Variants in ZNF707 observed in about 807,000 individuals in gnomAD.
ZNF707 encodes the protein zinc finger protein 707.
In ZNF707, 8 loss-of-function variants were observed where a neutral mutation model predicts 13.3. That is an observed-to-expected ratio of 0.60 (90% CI 0.35 to 1.09). The LOEUF (loss-of-function observed/expected upper bound fraction) is 1.09. ZNF707 is among the 50% of genes least tolerant of loss of function. ZNF707 has a pLI of 0.02. For missense variants in ZNF707, 530 were observed against 512.6 expected, an observed-to-expected ratio of 1.03 and a Z score of -0.33; for synonymous variants, 225 against 205.6, an observed-to-expected ratio of 1.09 and a Z score of -0.81.
At chr8:143,685,616 G>A (rs1554611778) in intron 1 of ZNF707, among the ~76,000 whole-genome samples, 1 of 151,640 alleles carries the variant, frequency 6.6e-6, no homozygotes, top group Admixed American at 6.6e-5. Context: ...GAGGCCAGAG[G>A]ATCTCTTGAG....
Position 143,693,906 on chromosome 8 carries a change from A to G in ZNF707, c.492A>G (p.Arg164=). The G allele has an allele frequency of 6.2e-7, 1 of 1,605,746 alleles. No individual in the cohort carries two copies. Among genetic ancestry groups the G allele is most frequent in the Non-Finnish European group, 8.5e-7 (1 of 1,175,326 alleles). Reference sequence around the variant, plus strand: ...GTTGTGGGCGGCGGCCGGGCCGCAGAGAGCGCCGGAAGCAGCGCGCAGTAG... The same window carrying G: ...GTTGTGGGCGGCGGCCGGGCCGCAGGGAGCGCCGGAAGCAGCGCGCAGTAG... ...TQRCGRRPGR[R]ERRKQRAVEL... The change falls in exon 6 of 6, where the codon AGA becomes AGG. Residue 164 remains arginine, a synonymous_variant. Transcript: ENST00000358656. The surrounding 1 kb of genome is among the most constrained non-coding windows in gnomAD (Gnocchi z 4.1).
rs781815871 is a variant in ZNF707 at position 143,690,162 on chromosome 8, C to G, written c.15+39C>G. 5.0e-5 allele frequency: 80 copies of G among 1,600,496 alleles called. 1 individual carries two copies. In the Admixed American group the frequency reaches 1.0e-3, roughly 20 times the overall value. ...CTGCCGAGCGCAGCCTCCCTTCTGCCCTGCTGGCTGCCTGAGACCCCAGCA... is the reference window on the plus strand; with the variant it reads ...CTGCCGAGCGCAGCCTCCCTTCTGCGCTGCTGGCTGCCTGAGACCCCAGCA... On this transcript the variant is annotated intron_variant, in intron 3 of 5. Coordinates refer to ENST00000358656, the MANE Select transcript of ZNF707 (RefSeq NM_001100598.2).
chr8:143,690,011 G>A, intron 2 of ZNF707, 46 bp from the exon 3 acceptor site: 2 of 1,501,918 alleles, frequency 1.3e-6, no homozygotes, highest in Middle Eastern at 1.7e-4. Flanking sequence ...GGTGCGGGGG[G>A]CATTCCCAGG....
chr8:143,691,178 T>G lies in ZNF707; in HGVS notation c.121T>G (p.Phe41Val), dbSNP rs782605487. Reference protein sequence around the residue: ...ALYRDVMLDNFSSVAALGFCS... With the variant: ...ALYRDVMLDNVSSVAALGFCS... ...CTACCGGGACGTGATGCTGGACAAC[T>G]TCAGCAGTGTGGCTGCTCTGGGTGA... The change falls in exon 4 of 6, where the codon TTC becomes GTC. Residue 41 changes from phenylalanine (F) to valine (V), a missense_variant. Physicochemically the swap from Phe to Val is conservative, Grantham distance 50. Coordinates refer to ENST00000358656, the MANE Select transcript of ZNF707 (RefSeq NM_001100598.2). 1 of 1,613,158 alleles carries G rather than the reference T, an allele frequency of 6.2e-7. No homozygotes were observed. Among genetic ancestry groups the G allele is most frequent in the Non-Finnish European group, 8.5e-7 (1 of 1,179,352 alleles).
In ZNF707 at chr8:143,685,675, G is replaced by A. The variant is rs563704375; in HGVS notation, c.-151+1133G>A. On this transcript the variant is annotated intron_variant, in intron 1 of 5. Transcript: ENST00000358656. Reference sequence around the variant, plus strand: ...GGCAACATAGTGAGACCCCGTTTCTGCAAAAAACTTAAAACAATTGCAGGG... The same window carrying A: ...GGCAACATAGTGAGACCCCGTTTCTACAAAAAACTTAAAACAATTGCAGGG... 1.1e-4 allele frequency among the ~76,000 whole-genome samples: 16 copies of A among 152,130 alleles called. No homozygotes were observed. The South Asian group carries it at 3.1e-3, about 30-fold the overall frequency.
intron 5 of ZNF707, chr8:143,692,174 T>G (rs1816871739): frequency 4.6e-6 from 6 of 1,294,186 alleles, no homozygotes. Context: ...TGGCCATGCT[T>G]CCCTCCATTA....
At chr8:143,688,475 C>T (rs1563723685) in intron 1 of ZNF707, among the ~76,000 whole-genome samples, 2 of 151,966 alleles carry the variant, frequency 1.3e-5, no homozygotes, top group Admixed American at 6.6e-5. Context: ...TCCTGGGCAC[C>T]AACTGCAGTT....
chr8:143,686,300 G>T (rs1192418739), intron 1 of ZNF707, among the ~76,000 whole-genome samples: 1 of 152,032 alleles, frequency 6.6e-6, no homozygotes, highest in African/African-American at 2.4e-5. Context: ...TCGAACTTCT[G>T]ACCTCAGGTG....
chr8:143,691,830 C>T, intron 5 of ZNF707, 117 bp downstream of exon 5: 1 of 991,744 alleles, frequency 1.0e-6, no homozygotes, highest in African/African-American at 1.6e-5. Flanking sequence ...AGAGCAGACA[C>T]ACAGCTGCTC....
rs557627812 is a variant in ZNF707, at chr8:143,693,313, C to T, written c.257-358C>T. 6.6e-6 allele frequency among the ~76,000 whole-genome samples: 1 copy of T among 151,158 alleles called. No homozygotes were observed. Among genetic ancestry groups the T allele is most frequent in the Non-Finnish European group, 1.5e-5 (1 of 67,744 alleles). The stretch of plus-strand genomic sequence containing the variant: ...TTTTTTTTTTTGAGACGGAGTCTCG[C>T]TCTGTCGCCCAGGCTGGACTGCGGA... On this transcript the variant is annotated intron_variant, in intron 5 of 5. Coordinates refer to ENST00000358656, the MANE Select transcript of ZNF707 (RefSeq NM_001100598.2). This position sits in a 1 kb window ranked among gnomAD's most constrained non-coding sequence, Gnocchi z 4.1.
At chr8:143,685,949 C>T (rs1023557021) in intron 1 of ZNF707, among the ~76,000 whole-genome samples, 1 of 152,188 alleles carries the variant, frequency 6.6e-6, no homozygotes, top group South Asian at 2.1e-4. Context: ...CATGAAACCA[C>T]GGCTCAGGAG....
chr8:143,686,802 C>T (rs1216111534), intron 1 of ZNF707: 4 of 135,916 alleles, frequency 2.9e-5, no homozygotes, highest in South Asian at 5.4e-4. Context: ...CACTGCACCC[C>T]GTCTCCTTTT....
At chr8:143,686,689 G>A (rs149225749) in intron 1 of ZNF707, among the ~76,000 whole-genome samples, 481 of 151,772 alleles carry the variant, frequency 3.2e-3, no homozygotes, top group Non-Finnish European at 4.3e-3. Context: ...TTAAACAATA[G>A]AGACAGAGGT....
At chr8:143,688,904 C>T (rs1816540223) in intron 1 of ZNF707, 2 of 152,442 alleles carry the variant, frequency 1.3e-5, no homozygotes, top group South Asian at 2.1e-4. Flanking sequence ...AGGCGTGAGC[C>T]ACTGTGCTTG....
In ZNF707 at chr8:143,693,260, AC is replaced by A. The variant is rs1470821104; in HGVS notation, c.257-410del. Among the ~76,000 whole-genome samples the A allele has an allele frequency of 2.0e-5, 3 of 150,802 alleles. No individual in the cohort carries two copies. The highest frequency in any genetic ancestry group is 4.4e-5 in the Non-Finnish European group (3 of 67,874). On this transcript the variant is annotated intron_variant, in intron 5 of 5. Transcript: ENST00000358656. The surrounding 1 kb of genome is among the most constrained non-coding windows in gnomAD (Gnocchi z 4.1). ...TGAGTCAATGGAAGCCAGTCCACGC[AC>A]ACAGCAGGAGGGTCCTCTGGGCTTT...
At chr8:143,689,624 C>T (rs1816617503) in intron 2 of ZNF707, among the ~76,000 whole-genome samples, 1 of 152,184 alleles carries the variant, frequency 6.6e-6, no homozygotes, top group Admixed American at 6.5e-5. Flanking sequence ...TGTAGCGTAC[C>T]CGAGAGCATC....
intron 5 of ZNF707, 103 bp downstream of exon 5, chr8:143,691,816 TG>T: frequency 2.7e-6 from 3 of 1,099,180 alleles, no homozygotes; most frequent in Non-Finnish European, 3.9e-6. Context: ...GTCCTTCCCA[TG>T]GGAGAGCAGA....
Position 143,687,166 on chromosome 8 carries a change from C to G in ZNF707, c.-150-2038C>G, listed in dbSNP as rs560390795. ...GATTACAGGCGTGAGCCACTGCATC[C>G]GGCCTGAATTTGTAATTTTTTAAAA... On this transcript the variant is annotated intron_variant, in intron 1 of 5. Transcript: ENST00000358656. Among the ~76,000 whole-genome samples, 6 of 151,728 alleles carry G rather than the reference C, an allele frequency of 4.0e-5. No homozygotes were observed. In the East Asian group the frequency reaches 1.2e-3, roughly 29 times the overall value.
intron 3 of ZNF707, among the ~76,000 whole-genome samples, chr8:143,690,677 GAC>G (rs1400731511): frequency 6.6e-6 from 1 of 152,248 alleles, no homozygotes; most frequent in Middle Eastern, 3.2e-3. Context: ...AACCAAACAT[GAC>G]ACAGTGGGTG....
Sources: gnomAD v4.1 joint callset for allele counts (sites outside exome capture counted in the v4.1 genomes callset) on GRCh38, gnomAD v4.1.1 for gene constraint, Gnocchi (gnomAD v3.1) non-coding constraint, MANE v1.5 for transcripts, NCBI Gene and HGNC (gene_info 2026-07-23, HGNC 2026-07-21) for gene names.